Variants in EYS observed in about 807,000 individuals in gnomAD.
The protein encoded by EYS is protein eyes shut homolog.
In EYS, 250 loss-of-function variants were observed where a neutral mutation model predicts 282.1. The observed-to-expected ratio is 0.89, with a 90% confidence interval of 0.80 to 0.98. EYS has a LOEUF of 0.98. Among genes scored for constraint, EYS ranks in the 50% least tolerant of loss-of-function variants. EYS has a pLI of 0.00. For synonymous variants in EYS, 1,355 were observed against 1,282.9 expected, an observed-to-expected ratio of 1.06 and a Z score of -1.20; for missense variants, 4,016 against 3,709.0, an observed-to-expected ratio of 1.08 and a Z score of -2.15.
chr6:64,137,416 G>A (rs1217120233), intron 31 of EYS, among the ~76,000 whole-genome samples: 1 of 152,158 alleles, frequency 6.6e-6, no homozygotes, highest in Non-Finnish European at 1.5e-5. Context: ...AGTAGTGCAA[G>A]AGACCTAGCA....
intron 30 of EYS, among the ~76,000 whole-genome samples, chr6:64,253,884 T>C (rs556602319): frequency 3.3e-5 from 5 of 152,172 alleles, no homozygotes; most frequent in African/African-American, 1.2e-4. Flanking sequence ...TAACATGTCC[T>C]GTGTGGTGAA....
chr6:65,485,963 A>G (rs577972912), intron 5 of EYS, among the ~76,000 whole-genome samples: 1 of 152,374 alleles, frequency 6.6e-6, no homozygotes, highest in East Asian at 1.9e-4. Flanking sequence ...CAATATTGGT[A>G]GTGCCATTGG....
At chr6:64,033,409 G>A (rs1236227202) in intron 33 of EYS, among the ~76,000 whole-genome samples, 1 of 152,028 alleles carries the variant, frequency 6.6e-6, no homozygotes, top group East Asian at 1.9e-4. Context: ...ACATATCAAA[G>A]TTTTATTCCC....
chr6:64,777,809 T>C (rs1773725853), intron 22 of EYS, among the ~76,000 whole-genome samples: 1 of 152,098 alleles, frequency 6.6e-6, no homozygotes, highest in Non-Finnish European at 1.5e-5. Flanking sequence ...TCTGAGGAAA[T>C]TGCCATGAAT....
intron 22 of EYS, among the ~76,000 whole-genome samples, chr6:64,754,055 A>T (rs1772850638): frequency 6.6e-6 from 1 of 152,124 alleles, no homozygotes; most frequent in Non-Finnish European, 1.5e-5. Flanking sequence ...TCTTGAAAAA[A>T]TGAAAATGGA....
chr6:65,571,265 A>G (rs1178925388), intron 2 of EYS, among the ~76,000 whole-genome samples: 1 of 151,994 alleles, frequency 6.6e-6, no homozygotes, highest in Non-Finnish European at 1.5e-5. Flanking sequence ...GCTAAAATAT[A>G]TATATATAAA....
Position 64,997,665 on chromosome 6 carries a change from CAT to C in EYS, c.2174_2175del (p.Tyr725CysfsTer6). ...DGFSCLCNPGYVGIRCEQDID... is the reference protein window; with the variant it reads ...DGFSCLCNPGXVGIRCEQDID... The stretch of plus-strand genomic sequence containing the variant: ...ATGTCCTGTTCACATCTTATCCCAA[CAT>C]AGCCTGGATTGCATAAGCAGGAAAA... On this transcript the variant is annotated frameshift_variant, in exon 14 of 43. Coordinates refer to ENST00000503581, the MANE Select transcript of EYS (RefSeq NM_001142800.2). LOFTEE classifies it high-confidence loss of function. The C allele has an allele frequency of 2.6e-6, 4 of 1,551,192 alleles. No homozygotes were observed. The highest frequency in any genetic ancestry group is 3.5e-6 in the Non-Finnish European group (4 of 1,146,618).
intron 15 of EYS, among the ~76,000 whole-genome samples, chr6:64,926,232 A>G (rs1768513100): frequency 6.6e-6 from 1 of 152,112 alleles, no homozygotes; most frequent in African/African-American, 2.4e-5. Context: ...TGGAGCACAT[A>G]CCACATTTGC....
intron 31 of EYS, among the ~76,000 whole-genome samples, chr6:64,133,285 G>A (rs926137997): frequency 1.3e-5 from 2 of 151,902 alleles, no homozygotes; most frequent in Non-Finnish European, 2.9e-5. Context: ...GTACAAGAAA[G>A]CTTATAAAAA....
At chr6:64,237,092 C>A (rs774015917) in intron 30 of EYS, among the ~76,000 whole-genome samples, 1 of 152,128 alleles carries the variant, frequency 6.6e-6, no homozygotes, top group Non-Finnish European at 1.5e-5. Context: ...TTTTACTCTA[C>A]TTATACCAAT....
intron 32 of EYS, among the ~76,000 whole-genome samples, chr6:64,075,272 G>A (rs756918200): frequency 2.0e-5 from 3 of 151,936 alleles, no homozygotes; most frequent in Non-Finnish European, 2.9e-5. Context: ...GTTAGGGTAA[G>A]CTAGTTTGTC....
chr6:64,080,469 T>C (rs1411593764), intron 32 of EYS, among the ~76,000 whole-genome samples: 1 of 152,180 alleles, frequency 6.6e-6, no homozygotes, highest in African/African-American at 2.4e-5. Flanking sequence ...CTTTGTCAGA[T>C]GAGTAGATTG....
chr6:63,802,306 G>A (rs1285818104), intron 37 of EYS, among the ~76,000 whole-genome samples: 2 of 152,232 alleles, frequency 1.3e-5, no homozygotes, highest in South Asian at 2.1e-4. Context: ...TGCATAAGGA[G>A]GGGAAGAGGA....
intron 33 of EYS, among the ~76,000 whole-genome samples, chr6:64,041,597 A>T (rs1224848750): frequency 6.6e-6 from 1 of 152,244 alleles, no homozygotes; most frequent in Non-Finnish European, 1.5e-5. Flanking sequence ...GCAATAAATC[A>T]TAAACCACCA....
chr6:64,345,800 T>G (rs1439756537), intron 29 of EYS, among the ~76,000 whole-genome samples: 1 of 151,644 alleles, frequency 6.6e-6, no homozygotes, highest in East Asian at 1.9e-4. Context: ...GCAACCTACT[T>G]CTCTGACAAA....
chr6:64,744,900 C>T (rs1275437510), intron 22 of EYS, among the ~76,000 whole-genome samples: 4 of 152,098 alleles, frequency 2.6e-5, no homozygotes, highest in African/African-American at 9.7e-5. Context: ...GATTTTTCTT[C>T]TCAGTATTGC....
chr6:64,621,392 T>C (rs1012324875), intron 23 of EYS, among the ~76,000 whole-genome samples: 1 of 152,132 alleles, frequency 6.6e-6, no homozygotes, highest in Non-Finnish European at 1.5e-5. Context: ...CTAAAATAAT[T>C]TTGTCTAACT....
chr6:65,673,997 T>C (rs980126129), intron 1 of EYS, among the ~76,000 whole-genome samples: 1 of 151,816 alleles, frequency 6.6e-6, no homozygotes, highest in African/African-American at 2.4e-5. Flanking sequence ...CACACAGAAA[T>C]TTTGAAACTA....
chr6:64,671,130 T>G (rs554998214), intron 22 of EYS, among the ~76,000 whole-genome samples: 149 of 152,250 alleles, frequency 9.8e-4, no homozygotes, highest in Non-Finnish European at 1.6e-3. Flanking sequence ...ATGTATCTAC[T>G]TTTTTACCTG....
Sources: allele counts gnomAD v4.1 joint callset (sites outside exome capture counted in the v4.1 genomes callset), GRCh38; gene constraint gnomAD v4.1.1; transcripts MANE v1.5; gene names NCBI Gene and HGNC (gene_info 2026-07-23, HGNC 2026-07-21).